USHBP1: variants seen among roughly 807,000 people sequenced by gnomAD.
USHBP1 encodes USH1 protein network component harmonin binding protein 1, also known as harmonin-binding protein USHBP1.
In USHBP1, 67 loss-of-function variants were observed where a neutral mutation model predicts 76.2. That is an observed-to-expected ratio of 0.88 (90% confidence interval 0.72 to 1.08). The LOEUF is 1.08. Ranked by LOEUF, USHBP1 falls within the 50% of genes least tolerant of loss-of-function variation. USHBP1 has a pLI of 0.00. For missense variants in USHBP1, 931 were observed against 915.0 expected, an observed-to-expected ratio of 1.02 and a Z score of -0.23; for synonymous variants, 322 against 362.2, an observed-to-expected ratio of 0.89 and a Z score of 1.26.
intron 8 of USHBP1, among the ~76,000 whole-genome samples, chr19:17,257,485 A>T (rs1166627990): frequency 1.3e-5 from 2 of 150,532 alleles, no homozygotes; most frequent in African/African-American, 4.9e-5. Flanking sequence ...TCTACTAAAA[A>T]TTCAAAATTA....
chr19:17,259,165 A>C (rs80351288), intron 7 of USHBP1, 124 bp downstream of exon 7: 88 of 857,284 alleles, frequency 1.0e-4, no homozygotes, highest in Non-Finnish European at 1.2e-4. Context: ...ATTCTGTCTC[A>C]AAAAAAAAAA....
Position 17,251,570 on chromosome 19 carries a change from G to C in USHBP1, c.1922+12C>G. 1.2e-6 allele frequency: 2 copies of C among 1,613,494 alleles called. No homozygotes were observed. The highest frequency in any genetic ancestry group is 8.5e-7 in the Non-Finnish European group (1 of 1,179,756). On this transcript the variant is annotated intron_variant, in intron 12 of 12. Coordinates refer to ENST00000252597, the MANE Select transcript of USHBP1 (RefSeq NM_031941.4). Reference sequence around the variant, plus strand: ...GTGCCAGGGGGATTGGGGGGATGCAGAACAGTCCTACCTGTGGGCTTTGCA... The same window carrying C: ...GTGCCAGGGGGATTGGGGGGATGCACAACAGTCCTACCTGTGGGCTTTGCA...
At chr19:17,250,954 G>A (rs1015246266) in intron 12 of USHBP1, among the ~76,000 whole-genome samples, 13 of 151,990 alleles carry the variant, frequency 8.6e-5, no homozygotes, top group African/African-American at 2.7e-4. Context: ...TCTGCCTCCC[G>A]GGTTCAAGCG....
rs776539877 is a variant in USHBP1, at chr19:17,250,256, G to A, written c.2081C>T (p.Pro694Leu). ...RALGKPRPPL[P>L]PPQLGDTFL ...AAAGGTGTCCCCAAGCTGGGGAGGC[G>A]GGAGGGGAGGCCTGGGCTTCCCCAG... Residue 694 changes from proline (P) to leucine (L), a missense_variant, in exon 13 of 13, where the codon CCG (proline) becomes CTG (leucine). Transcript: ENST00000252597. 4.4e-5 allele frequency: 71 copies of A among 1,612,656 alleles called. No homozygotes were observed. The highest frequency in any genetic ancestry group is 1.7e-4 in the Middle Eastern group (1 of 6,038).
At chr19:17,255,752 G>A in intron 9 of USHBP1, 146 bp from the exon 10 acceptor site, 1 of 905,006 alleles carries the variant, frequency 1.1e-6, no homozygotes, top group African/African-American at 1.7e-5. Flanking sequence ...TGTAATCCCA[G>A]CACTTTGGGA....
At chr19:17,263,214 T>G (rs968076731) in intron 3 of USHBP1, 1 of 405,756 alleles carries the variant, frequency 2.5e-6, no homozygotes, top group Admixed American at 4.1e-5. Context: ...ATTTTTGTAT[T>G]TTTAGTAGAG....
At position 17,264,347 on chromosome 19, in the gene USHBP1, C is replaced by G. The variant is rs2073728188; in HGVS notation, c.-48G>C. 1 of 1,558,768 alleles carries G rather than the reference C, an allele frequency of 6.4e-7. No individual in the cohort carries two copies. Among genetic ancestry groups the G allele is most frequent in the Admixed American group, 1.9e-5 (1 of 52,542 alleles). Reference sequence around the variant, plus strand: ...TCTGAATGCTTCTCCTTCGTCAACCCCTAAAACCACAGCCTGCCATGAGCT... The same window carrying G: ...TCTGAATGCTTCTCCTTCGTCAACCGCTAAAACCACAGCCTGCCATGAGCT... On this transcript the variant is annotated splice_region_variant and 5_prime_UTR_variant, in exon 2 of 13. Transcript: ENST00000252597.
chr19:17,263,698 G>GCAAGAC (rs59561093), intron 3 of USHBP1: 175,255 of 276,454 alleles, frequency 0.63, 57,275 homozygotes, highest in African/African-American at 0.8. Flanking sequence ...GGCTAATGTG[G>GCAAGAC]CCTGTCTCAC....
rs147809224 is a variant in USHBP1 at position 17,259,917 on chromosome 19, T to C, written c.748A>G (p.Arg250Gly). ...CTCACCTGAGTCTCCCAGGGTTCCC[T>C]GTCTGCCTCAGAGCTGCTAGAACCA... ...GSGSSSSEADREPWETQDSFS... is the reference protein window; with the variant it reads ...GSGSSSSEADGEPWETQDSFS... The change falls in exon 5 of 13, where the codon AGG (arginine) becomes GGG (glycine). Residue 250 changes from arginine to glycine, a missense_variant. Arg to Gly is a moderately radical substitution (Grantham distance 125). Coordinates refer to ENST00000252597, the MANE Select transcript of USHBP1 (RefSeq NM_031941.4). The C allele has an allele frequency of 3.8e-5, 61 of 1,613,848 alleles. No individual in the cohort carries two copies. In the African/African-American group the frequency reaches 7.7e-4, roughly 20 times the overall value.
rs979986769 is a variant in USHBP1, at chr19:17,259,309, C to A, written c.1026G>T (p.Leu342Phe). ...CTGACCTGTACTGCAAGGCCAGATG[C>A]AATGCTGTGGCCTCAGCCTCCCGCT... ...LGQREAEATALHLALQYSEHC... is the reference protein window; with the variant it reads ...LGQREAEATAFHLALQYSEHC... Residue 342 changes from leucine to phenylalanine, a missense_variant, in exon 7 of 13, where the codon TTG (leucine) becomes TTT (phenylalanine). Physicochemically the swap from Leu to Phe is conservative, Grantham distance 22. Coordinates refer to ENST00000252597, the MANE Select transcript of USHBP1 (RefSeq NM_031941.4). The A allele has an allele frequency of 1.2e-6, 2 of 1,613,594 alleles. No homozygotes were observed. Among genetic ancestry groups the A allele is most frequent in the Admixed American group, 3.3e-5 (2 of 59,752 alleles).
intron 10 of USHBP1, among the ~76,000 whole-genome samples, chr19:17,253,263 G>A (rs1455534740): frequency 1.3e-5 from 2 of 148,846 alleles, no homozygotes; most frequent in Non-Finnish European, 3.0e-5. Flanking sequence ...TTACAGGCAT[G>A]AGCCATCGTG....
At chr19:17,251,017 C>T (rs1317284983) in intron 12 of USHBP1, among the ~76,000 whole-genome samples, 4 of 152,190 alleles carry the variant, frequency 2.6e-5, no homozygotes, top group African/African-American at 4.8e-5. Flanking sequence ...TGCGCCACCA[C>T]GCCTGGCTAA....
Position 17,259,707 on chromosome 19 carries a change from A to G in USHBP1, c.794T>C (p.Leu265Pro). ...TQDSFSLAHP[L>P]LRRLRSHSST... ...GGAATGGCTGCGGAGGCGCCGAAGCAGGGGGTGAGCCAGGGAGAAGGAGTC... is the reference window on the plus strand; with the variant it reads ...GGAATGGCTGCGGAGGCGCCGAAGCGGGGGGTGAGCCAGGGAGAAGGAGTC... The change falls in exon 6 of 13, where the codon CTG (leucine) becomes CCG (proline). Residue 265 changes from leucine to proline, a missense_variant. Leu to Pro is a moderately conservative substitution (Grantham distance 98). Transcript: ENST00000252597. 1 of 1,613,204 alleles carries G rather than the reference A, an allele frequency of 6.2e-7. No individual in the cohort carries two copies. The highest frequency in any genetic ancestry group is 1.1e-5 in the South Asian group (1 of 90,942).
Position 17,262,910 on chromosome 19 carries a change from G to T in USHBP1, c.284C>A (p.Ala95Asp). ...PEVPHKPAVE[A>D]HQAPEAALQY... Reference sequence around the variant, plus strand: ...TAGGGCTGCTTCTGGGGCTTGGTGGGCTTCCACTGCAGGTTTGTGGGGCAC... The same window carrying T: ...TAGGGCTGCTTCTGGGGCTTGGTGGTCTTCCACTGCAGGTTTGTGGGGCAC... The change falls in exon 4 of 13, where the codon GCC becomes GAC. Residue 95 changes from alanine (A) to aspartate (D), a missense_variant. Ala to Asp is a moderately radical substitution (Grantham distance 126). Coordinates refer to ENST00000252597, the MANE Select transcript of USHBP1 (RefSeq NM_031941.4). 1 of 1,573,866 alleles carries T rather than the reference G, an allele frequency of 6.4e-7. No homozygotes were observed. The highest frequency in any genetic ancestry group is 8.6e-7 in the Non-Finnish European group (1 of 1,158,036).
At position 17,262,680 on chromosome 19, in the gene USHBP1, C is replaced by T; in HGVS notation, c.514G>A (p.Glu172Lys). 1.2e-6 allele frequency: 2 copies of T among 1,614,154 alleles called. No homozygotes were observed. Among genetic ancestry groups the T allele is most frequent in the Non-Finnish European group, 1.7e-6 (2 of 1,180,038 alleles). ...TTCCTCTCGGCCAGGCGAGCTGCCT[C>T]TCGCTGGCAGCTCCCTGCCCCTTCC... ...KQEGAGSCQR[E>K]AARLAERNAW... The change falls in exon 4 of 13, where the codon GAG becomes AAG. Residue 172 changes from glutamate to lysine, a missense_variant. Physicochemically the swap from Glu to Lys is moderately conservative, Grantham distance 56. Coordinates refer to ENST00000252597, the MANE Select transcript of USHBP1 (RefSeq NM_031941.4).
At chr19:17,257,381 G>T (rs1006845387) in intron 8 of USHBP1, among the ~76,000 whole-genome samples, 2 of 145,604 alleles carry the variant, frequency 1.4e-5, no homozygotes, top group Non-Finnish European at 3.0e-5. Flanking sequence ...AGTGCCTAAC[G>T]CCTGTAATCC....
rs2073722780 is a variant in USHBP1 at position 17,264,041 on chromosome 19, C to T, written c.164G>A (p.Gly55Asp). The change falls in exon 3 of 13, where the codon GGC becomes GAC. Residue 55 changes from glycine to aspartate, a missense_variant. Transcript: ENST00000252597. ...TTGGCCACTGACCTCCTCCATGGGG[C>T]CCAGCTGCTCCAGCCCGGAGCTCAC... is the stretch of plus-strand genomic sequence containing the variant. ...PPVSSGLEQL[G>D]PMEEVSGQGL... The T allele has an allele frequency of 6.2e-7, 1 of 1,610,654 alleles. No homozygotes were observed. The highest frequency in any genetic ancestry group is 8.5e-7 in the Non-Finnish European group (1 of 1,178,328).
rs199520502 is a variant in USHBP1 at position 17,263,701 on chromosome 19, T to C, written c.203+301A>G. 3.7e-4 allele frequency: 80 copies of C among 214,046 alleles called. 2 individuals carry two copies. In the South Asian group the frequency reaches 5.6e-3, roughly 15 times the overall value. 13.3% of individuals were successfully genotyped at this position (214,046 alleles called of 1,614,324 possible). A position where few individuals can be genotyped will look rare whatever the true frequency, so the allele number is the denominator to read the frequency against. ...CAAGACCAGCCTGGCTAATGTGGCCTGTCTCACTAAAAATGCAAAACTTAG... is the reference window on the plus strand; with the variant it reads ...CAAGACCAGCCTGGCTAATGTGGCCCGTCTCACTAAAAATGCAAAACTTAG... On this transcript the variant is annotated intron_variant, in intron 3 of 12. Coordinates refer to ENST00000252597, the MANE Select transcript of USHBP1 (RefSeq NM_031941.4).
In USHBP1 at chr19:17,250,065, C is replaced by G; in HGVS notation, c.*160G>C. On this transcript the variant is annotated 3_prime_UTR_variant, in exon 13 of 13. Coordinates refer to ENST00000252597, the MANE Select transcript of USHBP1 (RefSeq NM_031941.4). Reference sequence around the variant, plus strand: ...ACCTGAGTCTTTCTTCATTGCCTGGCCACACCCCATCAGGCCCTGGACACC... The same window carrying G: ...ACCTGAGTCTTTCTTCATTGCCTGGGCACACCCCATCAGGCCCTGGACACC... 1 of 752,288 alleles carries G rather than the reference C, an allele frequency of 1.3e-6. No homozygotes were observed. The highest frequency in any genetic ancestry group is 2.1e-6 in the Non-Finnish European group (1 of 478,960). The allele number at this position is 752,288 out of a possible 1,614,324, so 46.6% of individuals were successfully genotyped here.
Sources: gnomAD v4.1 joint callset for allele counts (sites outside exome capture counted in the v4.1 genomes callset) on GRCh38, gnomAD v4.1.1 for gene constraint, MANE v1.5 for transcripts, NCBI Gene and HGNC (gene_info 2026-07-23, HGNC 2026-07-21) for gene names.